Variants in METAP2 observed in about 807,000 individuals in gnomAD.
METAP2 encodes methionine aminopeptidase 2.
A neutral mutation model predicts 59.4 loss-of-function variants in METAP2; 25 were observed. That is an observed-to-expected ratio of 0.42 (90% CI 0.31 to 0.59). METAP2 has a LOEUF of 0.59. METAP2 is among the 20% of genes least tolerant of loss of function. The probability of loss-of-function intolerance (pLI) is 0.16; values close to 1 mark genes in which losing one functional copy is unlikely to be tolerated. For missense variants in METAP2, 366 were observed against 581.2 expected (o/e 0.63, Z 3.81); for synonymous variants, 214 against 194.1 (o/e 1.10, Z -0.85).
At chr12:95,498,123 A>G (rs1456774199) in intron 7 of METAP2, among the ~76,000 whole-genome samples, 3 of 140,582 alleles carry the variant, frequency 2.1e-5, no homozygotes, top group East Asian at 4.0e-4. Flanking sequence ...ACTGAGCGAG[A>G]CTCCATCTCA....
At position 95,486,641 on chromosome 12, in the gene METAP2, G is replaced by A. The variant is rs111653825; in HGVS notation, c.428+660G>A. On this transcript the variant is annotated intron_variant, in intron 4 of 10. Transcript: ENST00000323666. ...GCCTCCCGAGTAGCTGAGATTACAC[G>A]CATGCACCACCATGCCTGGCTAATT... 4.6e-5 allele frequency among the ~76,000 whole-genome samples: 7 copies of A among 152,004 alleles called. 1 individual carries two copies. Among genetic ancestry groups the A allele is most frequent in the African/African-American group, 9.6e-5 (4 of 41,456 alleles).
chr12:95,485,878 G>A lies in METAP2; in HGVS notation c.326-1G>A. The A allele has an allele frequency of 6.5e-7, 1 of 1,540,138 alleles. No homozygotes were observed. Among genetic ancestry groups the A allele is most frequent in the Non-Finnish European group, 8.7e-7 (1 of 1,145,890 alleles). On this transcript the variant is annotated splice_acceptor_variant, in intron 3 of 10. Transcript: ENST00000323666. LOFTEE classifies it high-confidence loss of function. ...GTTAATGCTTTATTTGTATCTCACAGCAAAAGTTCAAACAGACCCTCCCTC... is the reference window on the plus strand; with the variant it reads ...GTTAATGCTTTATTTGTATCTCACAACAAAAGTTCAAACAGACCCTCCCTC...
chr12:95,500,773 G>T (rs974531486), intron 7 of METAP2, among the ~76,000 whole-genome samples: 1 of 152,072 alleles, frequency 6.6e-6, no homozygotes, highest in African/African-American at 2.4e-5. Flanking sequence ...GTCGAACTTG[G>T]TTTGTTAATA....
At chr12:95,512,353 A>G (rs1454552222) in intron 9 of METAP2, among the ~76,000 whole-genome samples, 2 of 152,178 alleles carry the variant, frequency 1.3e-5, no homozygotes, top group African/African-American at 2.4e-5. Flanking sequence ...GGGCAAGGCT[A>G]GATAAGGACC....
In METAP2 at chr12:95,513,717, G is replaced by A. The variant is rs1357033299; in HGVS notation, c.1250G>A (p.Arg417His). Residue 417 changes from arginine to histidine, a missense_variant, in exon 11 of 11, where the codon CGC becomes CAC. Arg to His is a conservative substitution (Grantham distance 29). This residue lies in a region of METAP2 where 82 missense variants were observed against 156.2 expected (regional missense o/e 0.52). Transcript: ENST00000323666. ...NENFGTLAFC[R>H]RWLDRLGESK... ...AACTTTGGAACCCTTGCCTTCTGCC[G>A]CAGATGGCTGGATCGCTTGGGAGAA... is the stretch of plus-strand genomic sequence containing the variant. 3.1e-6 allele frequency: 5 copies of A among 1,614,122 alleles called. No homozygotes were observed. The highest frequency in any genetic ancestry group is 1.3e-5 in the African/African-American group (1 of 75,020).
In METAP2 at chr12:95,495,152, G is replaced by A; in HGVS notation, c.772+14G>A. 1.3e-6 allele frequency: 2 copies of A among 1,588,116 alleles called. No individual in the cohort carries two copies. The highest frequency in any genetic ancestry group is 1.7e-6 in the Non-Finnish European group (2 of 1,162,182). ...CACATATAAGTGGTAAATTCTTGCA[G>A]AAAATTCCTACCCCAGCCTCCTCCT... is the stretch of plus-strand genomic sequence containing the variant. On this transcript the variant is annotated intron_variant, in intron 6 of 10. Transcript: ENST00000323666.
chr12:95,477,634 C>T (rs1483547127), intron 2 of METAP2, among the ~76,000 whole-genome samples: 1 of 152,106 alleles, frequency 6.6e-6, no homozygotes, highest in African/African-American at 2.4e-5. Flanking sequence ...GGGGCTTTCC[C>T]ATTCTTTTTA....
Position 95,474,208 on chromosome 12 carries a change from C to G in METAP2, c.29C>G (p.Ser10Cys). Residue 10 changes from serine (S) to cysteine (C), a missense_variant, in exon 1 of 11, where the codon TCC becomes TGC. Transcript: ENST00000323666. ...GCGGGTGTGGAGGAGGTAGCGGCCT[C>G]CGGGAGCCACCTGAATGGCGACCTG... MAGVEEVAASGSHLNGDLDP... is the reference protein window; with the variant it reads MAGVEEVAACGSHLNGDLDP... The G allele has an allele frequency of 6.2e-7, 1 of 1,614,150 alleles. No homozygotes were observed. Among genetic ancestry groups the G allele is most frequent in the Non-Finnish European group, 8.5e-7 (1 of 1,180,006 alleles).
At chr12:95,512,460 C>T (rs987031371) in intron 9 of METAP2, among the ~76,000 whole-genome samples, 4 of 152,178 alleles carry the variant, frequency 2.6e-5, no homozygotes, top group African/African-American at 9.7e-5. Context: ...TTAATCCCAG[C>T]ACTTTGAGAC....
At chr12:95,496,463 C>T (rs1017624790) in intron 7 of METAP2, among the ~76,000 whole-genome samples, 4 of 152,148 alleles carry the variant, frequency 2.6e-5, no homozygotes, top group Middle Eastern at 3.4e-3. Flanking sequence ...CCCACCCCTC[C>T]CCAATTTCCT....
At chr12:95,500,900 G>A (rs186766564) in intron 7 of METAP2, among the ~76,000 whole-genome samples, 8 of 151,694 alleles carry the variant, frequency 5.3e-5, no homozygotes. Flanking sequence ...GACTTAGAAA[G>A]TATTCTCTTG....
chr12:95,514,059 AC>A lies in METAP2; in HGVS notation c.*157del, dbSNP rs2076425602. On this transcript the variant is annotated 3_prime_UTR_variant, in exon 11 of 11. Transcript: ENST00000323666. Reference sequence around the variant, plus strand: ...AAAGAAGGAATTTGGACAAAGGCAAACCGTCTAATGTAATTAACCAACGAAA... The same window carrying A: ...AAAGAAGGAATTTGGACAAAGGCAAACGTCTAATGTAATTAACCAACGAAA... 2 of 908,578 alleles carry A rather than the reference AC, an allele frequency of 2.2e-6. No homozygotes were observed. Among genetic ancestry groups the A allele is most frequent in the Non-Finnish European group, 3.2e-6 (2 of 634,752 alleles). 56.3% of individuals were successfully genotyped at this position (908,578 alleles called of 1,614,324 possible).
chr12:95,490,499 G>A (rs1305172401), intron 4 of METAP2, among the ~76,000 whole-genome samples: 2 of 151,228 alleles, frequency 1.3e-5, no homozygotes, highest in East Asian at 1.9e-4. Flanking sequence ...TAAGTTGTGG[G>A]TAGTTGTTTT....
intron 4 of METAP2, among the ~76,000 whole-genome samples, chr12:95,490,566 A>ATTTT (rs67031623): frequency 1.9e-5 from 2 of 102,804 alleles, no homozygotes; most frequent in Non-Finnish European, 3.8e-5. Context: ...TGAAGCCTGT[A>ATTTT]TTTTTTTTTT....
chr12:95,510,094 C>T (rs184177171), intron 8 of METAP2, among the ~76,000 whole-genome samples: 52 of 152,304 alleles, frequency 3.4e-4, no homozygotes, highest in African/African-American at 1.2e-3. Flanking sequence ...GCCTTGGCCT[C>T]CCAGAGTGTT....
Position 95,483,224 on chromosome 12 carries a change from G to A in METAP2, c.269G>A (p.Gly90Asp). The change falls in exon 3 of 11, where the codon GGC (glycine) becomes GAC (aspartate). Residue 90 changes from glycine to aspartate, a missense_variant. Physicochemically the swap from Gly to Asp is moderately conservative, Grantham distance 94. Transcript: ENST00000323666. ...ERDEDDEDGD[G>D]DGDGATGKKK... is the part of the protein sequence containing the mutation. The stretch of plus-strand genomic sequence containing the variant: ...AAATGTCTTTTCTTAGATGGAGATG[G>A]CGATGGAGATGGAGCAACTGGAAAG... 1 of 1,612,414 alleles carries A rather than the reference G, an allele frequency of 6.2e-7. No homozygotes were observed. The highest frequency in any genetic ancestry group is 8.5e-7 in the Non-Finnish European group (1 of 1,178,506).
At chr12:95,503,375 A>C (rs2076330932) in intron 7 of METAP2, among the ~76,000 whole-genome samples, 1 of 152,156 alleles carries the variant, frequency 6.6e-6, no homozygotes, top group Admixed American at 6.6e-5. Context: ...CCTAGTCTTT[A>C]ATATCTGGGC....
intron 7 of METAP2, among the ~76,000 whole-genome samples, chr12:95,502,980 T>C (rs1388970045): frequency 6.6e-6 from 1 of 151,560 alleles, no homozygotes; most frequent in Admixed American, 6.6e-5. Context: ...CTCAATGTCT[T>C]CCTTTAATTT....
intron 2 of METAP2, among the ~76,000 whole-genome samples, chr12:95,480,545 T>G (rs1382796741): frequency 6.6e-6 from 1 of 152,220 alleles, no homozygotes; most frequent in Non-Finnish European, 1.5e-5. Context: ...TGTTTTAAAA[T>G]TTTAGTCTTT....
Sources: gnomAD v4.1 joint callset for allele counts (sites outside exome capture counted in the v4.1 genomes callset) on GRCh38, gnomAD v4.1.1 for gene constraint, gnomAD v4.1.1 regional missense constraint, MANE v1.5 for transcripts, NCBI Gene and HGNC (gene_info 2026-07-23, HGNC 2026-07-21) for gene names.